POTEC: variants seen among roughly 807,000 people sequenced by gnomAD.
POTEC encodes the protein ANKRD26-like family B member 2.
In POTEC, 35 loss-of-function variants were observed where a neutral mutation model predicts 62.0. The observed-to-expected ratio is 0.56, with a 90% CI of 0.43 to 0.75. The LOEUF is 0.75. Ranked by LOEUF, POTEC falls within the 30% of genes least tolerant of loss-of-function variation. The pLI is 0.00. For synonymous variants in POTEC, 156 were observed against 221.5 expected (o/e 0.70, Z 2.62); for missense variants, 472 against 655.9 (o/e 0.72, Z 3.06).
At chr18:14,538,054 T>C in intron 2 of POTEC, 80 bp from the exon 3 acceptor site, 2 of 1,558,458 alleles carry the variant, frequency 1.3e-6, no homozygotes, top group East Asian at 2.3e-5. Context: ...CAACTAGTTA[T>C]ATTTAAATGA....
chr18:14,514,289 A>C (rs1439126510), intron 9 of POTEC, among the ~76,000 whole-genome samples: 2 of 151,760 alleles, frequency 1.3e-5, no homozygotes, highest in East Asian at 3.9e-4. Flanking sequence ...GTCACCGCTG[A>C]TCTGACAGGA....
At chr18:14,533,336 A>G in intron 4 of POTEC, 138 bp from the exon 5 acceptor site, 1 of 1,502,068 alleles carries the variant, frequency 6.7e-7, no homozygotes, top group Non-Finnish European at 8.9e-7. Context: ...AGACATAAGC[A>G]TCTTGGGTGC....
At position 14,543,030 on chromosome 18, in the gene POTEC, G is replaced by A; in HGVS notation, c.117C>T (p.Gly39=). The A allele has an allele frequency of 6.2e-7, 1 of 1,605,926 alleles. No homozygotes were observed. The highest frequency in any genetic ancestry group is 1.1e-5 in the South Asian group (1 of 90,574). Residue 39 remains glycine, a synonymous_variant, in exon 1 of 11, where the codon GGC becomes GGT. Transcript: ENST00000358970. ...CTCCAGAAGTGCCCATGTTGCTCTT[G>A]CCGCTCCCCTTGCAGCAGGGGAAGC... ...HHRFPCCKGS[G]KSNMGTSGDH...
At chr18:14,525,295 G>A (rs1034443628) in intron 6 of POTEC, among the ~76,000 whole-genome samples, 1 of 152,064 alleles carries the variant, frequency 6.6e-6, no homozygotes, top group African/African-American at 2.4e-5. Flanking sequence ...TAATAGTGAA[G>A]CAGGAAATGT....
At chr18:14,516,318 A>T (rs1185040185) in intron 9 of POTEC, among the ~76,000 whole-genome samples, 1 of 70,028 alleles carries the variant, frequency 1.4e-5, no homozygotes, top group Non-Finnish European at 2.7e-5. Flanking sequence ...ATATATATAT[A>T]TATATATATA....
chr18:14,542,050 C>A (rs1355322330), intron 1 of POTEC, among the ~76,000 whole-genome samples: 1 of 151,904 alleles, frequency 6.6e-6, no homozygotes, highest in African/African-American at 2.4e-5. Context: ...TTTAAAGACA[C>A]TAAGACTTTG....
At chr18:14,532,116 G>C (rs1261437144) in intron 5 of POTEC, among the ~76,000 whole-genome samples, 1 of 151,742 alleles carries the variant, frequency 6.6e-6, no homozygotes, top group Non-Finnish European at 1.5e-5. Context: ...CAAAGAAGAA[G>C]AAACAAACAC....
chr18:14,525,105 T>A, intron 6 of POTEC, 122 bp from the exon 7 acceptor site: 1 of 1,409,354 alleles, frequency 7.1e-7, no homozygotes, highest in Non-Finnish European at 9.5e-7. Flanking sequence ...GTGTTTAGTC[T>A]TTCATGAAAT....
chr18:14,511,670 A>G lies in POTEC; in HGVS notation c.*228T>C, dbSNP rs1003368091. On this transcript the variant is annotated 3_prime_UTR_variant, in exon 11 of 11. Transcript: ENST00000358970. ...AGTCAGTCTACAATGACATGATTGA[A>G]TTTCCATTTCCAGTGTTTCCTAGCT... 1 of 592,992 alleles carries G rather than the reference A, an allele frequency of 1.7e-6. No individual in the cohort carries two copies. Among genetic ancestry groups the G allele is most frequent in the Non-Finnish European group, 3.0e-6 (1 of 332,376 alleles). 36.7% of individuals were successfully genotyped at this position (592,992 alleles called of 1,614,324 possible).
chr18:14,542,127 CCTT>C (rs757786594), intron 1 of POTEC, among the ~76,000 whole-genome samples: 3 of 151,990 alleles, frequency 2.0e-5, no homozygotes, highest in Non-Finnish European at 4.4e-5. Context: ...GAAAAACGAA[CCTT>C]CCTATTCAAA....
At position 14,517,145 on chromosome 18, in the gene POTEC, C is replaced by G. The variant is rs1026930830; in HGVS notation, c.1410-3360G>C. ...GCTGTTATTAACCAATTCACCTTGA[C>G]CAAAATTTTAAAATGAAGTCTACAA... On this transcript the variant is annotated intron_variant, in intron 9 of 10. Transcript: ENST00000358970. Among the ~76,000 whole-genome samples, 25 of 150,470 alleles carry G rather than the reference C, an allele frequency of 1.7e-4. 1 individual carries two copies. Among genetic ancestry groups the G allele is most frequent in the Non-Finnish European group, 2.9e-4 (20 of 67,814 alleles).
At chr18:14,518,906 G>T (rs1161046582) in intron 9 of POTEC, among the ~76,000 whole-genome samples, 1 of 151,936 alleles carries the variant, frequency 6.6e-6, no homozygotes, top group African/African-American at 2.4e-5. Flanking sequence ...TGAAATGGGA[G>T]ATAATCAGAA....
In POTEC at chr18:14,531,865, C is replaced by G. The variant is rs1351665899; in HGVS notation, c.1055+1196G>C. ...CCATGACTCATCACTACTTACTTAA[C>G]CTACTTGAGATTCTGAGAATTCTCT... On this transcript the variant is annotated intron_variant, in intron 5 of 10. Transcript: ENST00000358970. 2.6e-5 allele frequency: 4 copies of G among 151,832 alleles called. No homozygotes were observed. The East Asian group carries it at 7.8e-4, about 30-fold the overall frequency. 9.4% of individuals were successfully genotyped at this position (151,832 alleles called of 1,614,324 possible).
chr18:14,528,600 T>C (rs1259736008), intron 6 of POTEC, among the ~76,000 whole-genome samples: 7 of 151,856 alleles, frequency 4.6e-5, no homozygotes, highest in Non-Finnish European at 7.4e-5. Context: ...TAGCCAACCA[T>C]GAAAGGAGAC....
At chr18:14,534,390 G>C (rs1471412563) in intron 4 of POTEC, among the ~76,000 whole-genome samples, 1 of 151,966 alleles carries the variant, frequency 6.6e-6, no homozygotes, top group Non-Finnish European at 1.5e-5. Context: ...CAGTATGTGG[G>C]AATAGCAATT....
intron 6 of POTEC, among the ~76,000 whole-genome samples, chr18:14,526,362 T>C (rs1265778665): frequency 6.6e-6 from 1 of 152,104 alleles, no homozygotes; most frequent in African/African-American, 2.4e-5. Flanking sequence ...CACAGGTCTG[T>C]CCCCTCTACT....
chr18:14,537,775 T>C (rs1283513884), intron 3 of POTEC, 26 bp downstream of exon 3: 5 of 1,609,048 alleles, frequency 3.1e-6, no homozygotes, highest in Non-Finnish European at 3.4e-6. Flanking sequence ...TTCAGTATTT[T>C]GAAGATAAAA....
At position 14,518,759 on chromosome 18, in the gene POTEC, G is replaced by A. The variant is rs1003104626; in HGVS notation, c.1409+3495C>T. The stretch of plus-strand genomic sequence containing the variant: ...GGATATCTGGGGAAAAAGCATTCCA[G>A]ACACAGGGAACTGCGAATCACAGAG... On this transcript the variant is annotated intron_variant, in intron 9 of 10. Transcript: ENST00000358970. Among the ~76,000 whole-genome samples the A allele has an allele frequency of 1.2e-4, 18 of 147,520 alleles. No homozygotes were observed. The South Asian group carries it at 1.8e-3, about 15-fold the overall frequency.
intron 3 of POTEC, among the ~76,000 whole-genome samples, chr18:14,537,528 G>A (rs1905782816): frequency 6.6e-6 from 1 of 150,930 alleles, no homozygotes; most frequent in African/African-American, 2.4e-5. Context: ...AAGTTGGCAG[G>A]GAAAAATTGA....
Sources: allele counts gnomAD v4.1 joint callset (sites outside exome capture counted in the v4.1 genomes callset), GRCh38; gene constraint gnomAD v4.1.1; transcripts MANE v1.5; gene names NCBI Gene and HGNC (gene_info 2026-07-23, HGNC 2026-07-21).